Variants in ST8SIA1 observed in about 807,000 individuals in gnomAD.
ST8SIA1 encodes the protein alpha-N-acetylneuraminide alpha-2,8-sialyltransferase.
Under a neutral mutation model 35.9 loss-of-function variants are expected in ST8SIA1, and 16 were observed. The observed-to-expected ratio is 0.45, with a 90% confidence interval of 0.30 to 0.68. ST8SIA1 has a LOEUF of 0.68. ST8SIA1 is among the 30% of genes least tolerant of loss of function. ST8SIA1 has a pLI of 0.09. For missense variants in ST8SIA1, 383 were observed against 453.6 expected, an observed-to-expected ratio of 0.84 and a Z score of 1.41; for synonymous variants, 170 against 169.6, an observed-to-expected ratio of 1.00 and a Z score of -0.02.
chr12:22,332,389 G>A (rs913046275), intron 1 of ST8SIA1, among the ~76,000 whole-genome samples: 1 of 151,974 alleles, frequency 6.6e-6, no homozygotes, highest in Non-Finnish European at 1.5e-5. Context: ...CCTCTAAGAG[G>A]GCTTCATTAT....
At chr12:22,256,116 G>A (rs954920636) in intron 2 of ST8SIA1, among the ~76,000 whole-genome samples, 7 of 152,164 alleles carry the variant, frequency 4.6e-5, no homozygotes, top group Admixed American at 3.3e-4. Context: ...AGAAAGCAGC[G>A]TAAACAACGA....
chr12:22,330,056 C>G (rs1866739640), intron 1 of ST8SIA1, among the ~76,000 whole-genome samples: 1 of 152,208 alleles, frequency 6.6e-6, no homozygotes, highest in African/African-American at 2.4e-5. Flanking sequence ...GACTTAATAA[C>G]TTTCCATACA....
chr12:22,323,407 G>C (rs1042702148), intron 1 of ST8SIA1, among the ~76,000 whole-genome samples: 1 of 152,158 alleles, frequency 6.6e-6, no homozygotes, highest in Non-Finnish European at 1.5e-5. Flanking sequence ...ACTGATGGAG[G>C]GAGTGTAAAC....
intron 1 of ST8SIA1, among the ~76,000 whole-genome samples, chr12:22,305,982 A>G (rs1866378936): frequency 6.6e-6 from 1 of 152,204 alleles, no homozygotes; most frequent in African/African-American, 2.4e-5. Flanking sequence ...TCTTTGTTTC[A>G]AAACTAAACT....
chr12:22,219,434 G>A (rs1398773180), intron 4 of ST8SIA1, among the ~76,000 whole-genome samples: 1 of 152,110 alleles, frequency 6.6e-6, no homozygotes, highest in Non-Finnish European at 1.5e-5. Context: ...GTGGAAGGGA[G>A]CACCAGCTGC....
chr12:22,310,682 C>A (rs1056479934), intron 1 of ST8SIA1, among the ~76,000 whole-genome samples: 6 of 152,058 alleles, frequency 3.9e-5, no homozygotes, highest in Non-Finnish European at 8.8e-5. Flanking sequence ...GCATATACGC[C>A]TCGGTGGATT....
At chr12:22,256,021 A>G (rs1865725147) in intron 2 of ST8SIA1, among the ~76,000 whole-genome samples, 1 of 152,244 alleles carries the variant, frequency 6.6e-6, no homozygotes, top group South Asian at 2.1e-4. Flanking sequence ...ACAAGGAGGA[A>G]GAAGGCATTT....
intron 2 of ST8SIA1, among the ~76,000 whole-genome samples, chr12:22,259,755 C>T (rs1193214600): frequency 2.0e-5 from 3 of 152,098 alleles, no homozygotes; most frequent in Non-Finnish European, 2.9e-5. Context: ...CATGAGCCAC[C>T]GCGCCCGGCC....
intron 1 of ST8SIA1, among the ~76,000 whole-genome samples, chr12:22,301,658 C>G (rs1044523347): frequency 3.3e-5 from 5 of 152,162 alleles, no homozygotes; most frequent in Non-Finnish European, 7.4e-5. Flanking sequence ...CTTTGACTGG[C>G]ATGGTGTGCT....
At chr12:22,268,527 G>A (rs1330308683) in intron 2 of ST8SIA1, 2 of 152,256 alleles carry the variant, frequency 1.3e-5, no homozygotes, top group African/African-American at 4.8e-5. Context: ...AGCATGGCGG[G>A]GGAGGCCTCA....
At chr12:22,315,886 C>T (rs1361207340) in intron 1 of ST8SIA1, among the ~76,000 whole-genome samples, 1 of 151,654 alleles carries the variant, frequency 6.6e-6, no homozygotes, top group Non-Finnish European at 1.5e-5. Context: ...GGGCTTAAAA[C>T]TTAGATGATG....
chr12:22,288,901 G>A (rs917380825), intron 1 of ST8SIA1, among the ~76,000 whole-genome samples: 3 of 152,012 alleles, frequency 2.0e-5, no homozygotes, highest in Admixed American at 6.6e-5. Flanking sequence ...TGTTGTTGTT[G>A]TCCTTGTTTT....
chr12:22,245,593 G>A (rs1234239148), intron 4 of ST8SIA1, among the ~76,000 whole-genome samples: 1 of 152,198 alleles, frequency 6.6e-6, no homozygotes, highest in African/African-American at 2.4e-5. Context: ...GTGTAATGTT[G>A]TGAAATATAT....
At chr12:22,239,118 T>TTTTC (rs1392223365) in intron 4 of ST8SIA1, among the ~76,000 whole-genome samples, 1 of 152,228 alleles carries the variant, frequency 6.6e-6, no homozygotes, top group African/African-American at 2.4e-5. Context: ...GTGATCTGTC[T>TTTTC]TTTCTTTCTG....
intron 2 of ST8SIA1, among the ~76,000 whole-genome samples, chr12:22,286,176 A>G (rs1866099199): frequency 1.3e-5 from 2 of 152,214 alleles, no homozygotes; most frequent in Non-Finnish European, 1.5e-5. Context: ...TTCTTATTTC[A>G]AAAATTAAAA....
At chr12:22,215,247 T>C (rs117655578) in intron 4 of ST8SIA1, among the ~76,000 whole-genome samples, 1 of 152,348 alleles carries the variant, frequency 6.6e-6, no homozygotes, top group Non-Finnish European at 1.5e-5. Flanking sequence ...ATGACTGATT[T>C]CTTCTCTTGT....
In ST8SIA1 at chr12:22,199,348, T is replaced by A. The variant is rs1343201960; in HGVS notation, c.*2204A>T. On this transcript the variant is annotated 3_prime_UTR_variant, in exon 5 of 5. Transcript: ENST00000396037. ...TACATTTTAACAATTAAAGTACTAATCTGAGTAACATTTTATTAACTTTTA... is the reference window on the plus strand; with the variant it reads ...TACATTTTAACAATTAAAGTACTAAACTGAGTAACATTTTATTAACTTTTA... The A allele has an allele frequency of 2.1e-5, 3 of 146,178 alleles. No homozygotes were observed. The highest frequency in any genetic ancestry group is 2.0e-4 in the Admixed American group (3 of 14,674). 9.1% of individuals were successfully genotyped at this position (146,178 alleles called of 1,614,324 possible).
chr12:22,319,572 T>C (rs573936791), intron 1 of ST8SIA1, among the ~76,000 whole-genome samples: 2 of 152,182 alleles, frequency 1.3e-5, no homozygotes, highest in Non-Finnish European at 2.9e-5. Context: ...AGCTTCTGAG[T>C]ATGCTGCATG....
At chr12:22,203,391 C>A (rs1485047007) in intron 4 of ST8SIA1, among the ~76,000 whole-genome samples, 1 of 152,096 alleles carries the variant, frequency 6.6e-6, no homozygotes, top group Non-Finnish European at 1.5e-5. Flanking sequence ...TTGGCAGGCT[C>A]ATCATAATTA....
Sources: allele counts gnomAD v4.1 joint callset (sites outside exome capture counted in the v4.1 genomes callset), GRCh38; gene constraint gnomAD v4.1.1; transcripts MANE v1.5; gene names NCBI Gene and HGNC (gene_info 2026-07-23, HGNC 2026-07-21).